The following ZNF366 variants were observed in gnomAD, a reference collection of about 807,000 sequenced individuals.
ZNF366 encodes the protein dendritic cell-specific transcript protein.
Under a neutral mutation model 47.2 loss-of-function variants are expected in ZNF366, and 20 were observed. The ratio of observed to expected loss-of-function variants is 0.42; its 90% confidence interval spans 0.30 to 0.62. The LOEUF (loss-of-function observed/expected upper bound fraction) is 0.62, where lower values mean the gene tolerates loss of function less well. Among genes scored for constraint, ZNF366 ranks in the 20% least tolerant of loss-of-function variants. The pLI is 0.16. For synonymous variants in ZNF366, 421 were observed against 395.1 expected (o/e 1.07, Z -0.78); for missense variants, 987 against 976.3 (o/e 1.01, Z -0.15).
At chr5:72,488,770 T>C (rs1665272108) in intron 1 of ZNF366, among the ~76,000 whole-genome samples, 1 of 152,192 alleles carries the variant, frequency 6.6e-6, no homozygotes, top group Admixed American at 6.5e-5. Flanking sequence ...GTACCATGTA[T>C]GGAACATGCT....
intron 3 of ZNF366, 135 bp from the exon 4 acceptor site, chr5:72,447,552 AG>A: frequency 1.9e-6 from 2 of 1,031,556 alleles, no homozygotes; most frequent in Non-Finnish European, 2.8e-6. Context: ...AATGTCCATA[AG>A]GAAATCAGGA....
At chr5:72,446,511 G>A (rs1163534458) in intron 4 of ZNF366, among the ~76,000 whole-genome samples, 1 of 152,220 alleles carries the variant, frequency 6.6e-6, no homozygotes, top group East Asian at 1.9e-4. Flanking sequence ...AGTAGATCTG[G>A]AACATAAACT....
chr5:72,460,699 G>A lies in ZNF366; in HGVS notation c.798C>T (p.Tyr266=), dbSNP rs755924246. The A allele has an allele frequency of 4.3e-6, 7 of 1,614,244 alleles. No individual in the cohort carries two copies. The highest frequency in any genetic ancestry group is 5.1e-6 in the Non-Finnish European group (6 of 1,180,040). Residue 266 remains tyrosine (Y), a synonymous_variant, in exon 2 of 5, where the codon TAC becomes TAT. Coordinates refer to ENST00000318442, the MANE Select transcript of ZNF366 (RefSeq NM_152625.3). ...PTCEKSYTSK[Y]NLVTHILGHS... is the part of the protein sequence containing the mutation. Reference sequence around the variant, plus strand: ...GGCCCAGGATGTGGGTGACCAGGTTGTACTTGGAGGTGTAGGACTTCTCGC... The same window carrying A: ...GGCCCAGGATGTGGGTGACCAGGTTATACTTGGAGGTGTAGGACTTCTCGC...
intron 3 of ZNF366, among the ~76,000 whole-genome samples, chr5:72,452,428 T>G (rs1743092851): frequency 6.6e-6 from 1 of 152,228 alleles, no homozygotes; most frequent in South Asian, 2.1e-4. Flanking sequence ...TCCTTCCTTC[T>G]GCTGAGGAGG....
intron 1 of ZNF366, among the ~76,000 whole-genome samples, chr5:72,478,211 T>C (rs139884122): frequency 2.0e-5 from 3 of 147,780 alleles, no homozygotes; most frequent in African/African-American, 7.4e-5. Context: ...GTCTGCTCTG[T>C]GCCAGGCCTT....
chr5:72,495,247 G>A (rs1744090704), intron 1 of ZNF366, among the ~76,000 whole-genome samples: 1 of 152,042 alleles, frequency 6.6e-6, no homozygotes, highest in Non-Finnish European at 1.5e-5. Flanking sequence ...CATGAGTAGG[G>A]GAGTTCAGAT....
chr5:72,484,301 G>A (rs1411164666), intron 1 of ZNF366, among the ~76,000 whole-genome samples: 1 of 151,302 alleles, frequency 6.6e-6, no homozygotes, highest in East Asian at 1.9e-4. Flanking sequence ...CGGCTAAAAC[G>A]GTGAAACCCC....
rs759671314 is a variant in ZNF366, at chr5:72,444,106, C to T, written c.1885G>A (p.Glu629Lys). The change falls in exon 5 of 5, where the codon GAG becomes AAG. Residue 629 changes from glutamate to lysine, a missense_variant. Physicochemically the swap from Glu to Lys is moderately conservative, Grantham distance 56. Around this residue, in one of 3 missense-constraint regions of ZNF366, gnomAD observed 285 missense variants for 234.8 expected, o/e 1.21. Transcript: ENST00000318442. Reference protein sequence around the residue: ...EEEEDNCYEVEPYSPGLAPQS... With the variant: ...EEEEDNCYEVKPYSPGLAPQS... ...GGGGCCAGGCCAGGGCTGTAGGGCT[C>T]CACCTCGTAGCAGTTATCCTCCTCT... The T allele has an allele frequency of 1.9e-6, 3 of 1,614,078 alleles. No homozygotes were observed. The highest frequency in any genetic ancestry group is 2.2e-5 in the South Asian group (2 of 91,082).
At chr5:72,496,349 T>C (rs1318006326) in intron 1 of ZNF366, among the ~76,000 whole-genome samples, 1 of 152,202 alleles carries the variant, frequency 6.6e-6, no homozygotes, top group South Asian at 2.1e-4. Context: ...TTTTAGAAAT[T>C]TCTTATAAAG....
chr5:72,484,919 AT>A (rs1743862871), intron 1 of ZNF366, among the ~76,000 whole-genome samples: 1 of 151,982 alleles, frequency 6.6e-6, no homozygotes, highest in African/African-American at 2.4e-5. Flanking sequence ...TTAAATTACC[AT>A]AGAAGGACCT....
In ZNF366 at chr5:72,460,831, G is replaced by A. The variant is rs371586695; in HGVS notation, c.666C>T (p.Ser222=). ...LLPRKAEPQE[S]EETKQKVERV... is the part of the protein sequence containing the mutation. ...TCTCCACCTTCTGCTTGGTCTCCTC[G>A]CTCTCCTGGGGCTCGGCTTTCCGGG... Residue 222 remains serine (S), a synonymous_variant, in exon 2 of 5, where the codon AGC becomes AGT. Transcript: ENST00000318442. The A allele has an allele frequency of 8.9e-5, 143 of 1,613,930 alleles. No individual in the cohort carries two copies. Among genetic ancestry groups the A allele is most frequent in the Non-Finnish European group, 1.1e-4 (131 of 1,179,996 alleles).
chr5:72,462,355 T>C (rs1743332510), intron 1 of ZNF366, among the ~76,000 whole-genome samples: 2 of 152,096 alleles, frequency 1.3e-5, no homozygotes, highest in African/African-American at 2.4e-5. Flanking sequence ...GGTGTCAAAG[T>C]AAGGGGCAGG....
rs116110724 is a variant in ZNF366 at position 72,504,084 on chromosome 5, C to T, written c.-15+3167G>A. On this transcript the variant is annotated intron_variant, in intron 1 of 4. Coordinates refer to ENST00000318442, the MANE Select transcript of ZNF366 (RefSeq NM_152625.3). ...GCACACACGCACGCACACACACATG[C>T]GCGCGCACACACGCGTGCATGCACA... Among the ~76,000 whole-genome samples the T allele has an allele frequency of 2.9e-3, 445 of 151,476 alleles. 2 individuals carry two copies. Among genetic ancestry groups the T allele is most frequent in the South Asian group, 8.9e-3 (42 of 4,720 alleles).
chr5:72,461,161 G>A lies in ZNF366; in HGVS notation c.336C>T (p.Leu112=). The change falls in exon 2 of 5, where the codon CTC becomes CTT. Residue 112 remains leucine (L), a synonymous_variant. Coordinates refer to ENST00000318442, the MANE Select transcript of ZNF366 (RefSeq NM_152625.3). ...EENKNHGLPN[L]PLLFPQPPRP... is the part of the protein sequence containing the mutation. ...GCGGGGGCTGCGGGAACAGCAAAGG[G>A]AGGTTGGGAAGGCCGTGGTTTTTGT... The A allele has an allele frequency of 1.9e-6, 3 of 1,614,198 alleles. No individual in the cohort carries two copies. The highest frequency in any genetic ancestry group is 2.2e-5 in the East Asian group (1 of 44,878).
intron 1 of ZNF366, among the ~76,000 whole-genome samples, chr5:72,465,434 T>C (rs1743410080): frequency 6.6e-6 from 1 of 152,128 alleles, no homozygotes; most frequent in South Asian, 2.1e-4. Flanking sequence ...TATCTTGAAA[T>C]CAGTCAAGTT....
chr5:72,452,906 G>A (rs1743103031), intron 3 of ZNF366, among the ~76,000 whole-genome samples: 1 of 152,210 alleles, frequency 6.6e-6, no homozygotes, highest in African/African-American at 2.4e-5. Context: ...TTTCTGAAAA[G>A]TGGCTTAAGT....
At chr5:72,501,021 G>A (rs1300608985) in intron 1 of ZNF366, among the ~76,000 whole-genome samples, 4 of 152,178 alleles carry the variant, frequency 2.6e-5, no homozygotes, top group Admixed American at 6.5e-5. Context: ...AGCAAATCAC[G>A]TACTTTCTGT....
chr5:72,459,070 G>A (rs965315872), intron 2 of ZNF366, among the ~76,000 whole-genome samples: 1 of 152,138 alleles, frequency 6.6e-6, no homozygotes, highest in Non-Finnish European at 1.5e-5. Flanking sequence ...GTATCTACAG[G>A]TACCTTTTGT....
intron 2 of ZNF366, among the ~76,000 whole-genome samples, chr5:72,459,185 C>T (rs1171567048): frequency 1.3e-5 from 2 of 152,176 alleles, no homozygotes; most frequent in Admixed American, 1.3e-4. Flanking sequence ...AGAAGTGAAA[C>T]GTATTATAGC....
Sources: allele counts gnomAD v4.1 joint callset (sites outside exome capture counted in the v4.1 genomes callset), GRCh38; gene constraint gnomAD v4.1.1; regional missense constraint gnomAD v4.1.1; transcripts MANE v1.5; gene names NCBI Gene and HGNC (gene_info 2026-07-23, HGNC 2026-07-21).